The following LRRC28 variants were observed in gnomAD, a reference collection of about 807,000 sequenced individuals.
The protein encoded by LRRC28 is leucine rich repeat containing 28.
Under a neutral mutation model 45.7 loss-of-function variants are expected in LRRC28, and 39 were observed. The ratio of observed to expected loss-of-function variants is 0.85; its 90% CI spans 0.66 to 1.12. The LOEUF is 1.12. Among genes scored for constraint, LRRC28 ranks in the 50% most tolerant of loss-of-function variants. LRRC28 has a pLI of 0.00. For missense variants in LRRC28, 435 were observed against 438.5 expected, an observed-to-expected ratio of 0.99 and a Z score of 0.07; for synonymous variants, 206 against 178.8, an observed-to-expected ratio of 1.15 and a Z score of -1.22.
At chr15:99,265,114 G>A (rs1361634392) in intron 2 of LRRC28, among the ~76,000 whole-genome samples, 1 of 152,082 alleles carries the variant, frequency 6.6e-6, no homozygotes, top group East Asian at 1.9e-4. Context: ...TAGAATTGTT[G>A]GGTGTTATTT....
At chr15:99,304,066 A>C (rs79026499) in intron 5 of LRRC28, among the ~76,000 whole-genome samples, 2,272 of 152,314 alleles carry the variant, frequency 0.015, 53 homozygotes, top group African/African-American at 0.052. Flanking sequence ...GAAAACTCTG[A>C]CCTGTGGGCC....
intron 6 of LRRC28, among the ~76,000 whole-genome samples, chr15:99,349,154 G>T (rs1366455412): frequency 6.6e-6 from 1 of 151,886 alleles, no homozygotes; most frequent in Non-Finnish European, 1.5e-5. Context: ...TCATTTGTAT[G>T]TTCTACTAGT....
chr15:99,257,946 C>G (rs1193930818), intron 2 of LRRC28: 3 of 778,302 alleles, frequency 3.9e-6, no homozygotes, highest in Middle Eastern at 2.5e-4. Flanking sequence ...AGAACTGATT[C>G]TGACGCTTTA....
intron 5 of LRRC28, among the ~76,000 whole-genome samples, chr15:99,324,358 C>G (rs1597347310): frequency 6.6e-6 from 1 of 152,132 alleles, no homozygotes; most frequent in Non-Finnish European, 1.5e-5. Context: ...CCTCAGAAAG[C>G]TAAACCGCGG....
chr15:99,310,650 T>A (rs2152264015), intron 5 of LRRC28, among the ~76,000 whole-genome samples: 1 of 152,296 alleles, frequency 6.6e-6, no homozygotes, highest in Middle Eastern at 3.4e-3. Flanking sequence ...TCGAGGGTGT[T>A]GAAAATTCTG....
At position 99,265,641 on chromosome 15, in the gene LRRC28, A is replaced by G. The variant is rs564131877; in HGVS notation, c.168+9516A>G. Among the ~76,000 whole-genome samples, 36 of 152,260 alleles carry G rather than the reference A, an allele frequency of 2.4e-4. 1 individual carries two copies. In the South Asian group the frequency reaches 5.8e-3, roughly 25 times the overall value. Reference sequence around the variant, plus strand: ...AATCACTAGTCCTTTCTAAAACTCTAAAGTTCCTCAAGGGAGGAAATTAGT... The same window carrying G: ...AATCACTAGTCCTTTCTAAAACTCTGAAGTTCCTCAAGGGAGGAAATTAGT... On this transcript the variant is annotated intron_variant, in intron 2 of 9. Coordinates refer to ENST00000301981, the MANE Select transcript of LRRC28 (RefSeq NM_144598.5).
intron 5 of LRRC28, among the ~76,000 whole-genome samples, chr15:99,298,166 A>T (rs1246715371): frequency 6.6e-6 from 1 of 152,228 alleles, no homozygotes; most frequent in Non-Finnish European, 1.5e-5. Flanking sequence ...TTGTGAAAAG[A>T]TTTAAAAGCA....
At chr15:99,380,949 C>T (rs1401758759) in intron 9 of LRRC28, among the ~76,000 whole-genome samples, 2 of 152,228 alleles carry the variant, frequency 1.3e-5, no homozygotes, top group Non-Finnish European at 2.9e-5. Context: ...ACCTTTCTAT[C>T]TGGCTGCCCT....
At chr15:99,335,410 G>A (rs1020871332) in intron 6 of LRRC28, among the ~76,000 whole-genome samples, 1 of 152,184 alleles carries the variant, frequency 6.6e-6, no homozygotes, top group Non-Finnish European at 1.5e-5. Flanking sequence ...GATAGTTTAT[G>A]TATAAGAATT....
intron 9 of LRRC28, among the ~76,000 whole-genome samples, chr15:99,376,242 TG>T (rs1957627965): frequency 6.6e-6 from 1 of 152,180 alleles, no homozygotes. Context: ...ATTTGATCCA[TG>T]GGTCAAAGAA....
chr15:99,377,173 G>T lies in LRRC28; in HGVS notation c.1032-8857G>T, dbSNP rs1351788419. Among the ~76,000 whole-genome samples, 2 of 150,698 alleles carry T rather than the reference G, an allele frequency of 1.3e-5. 1 individual carries two copies. The highest frequency in any genetic ancestry group is 5.0e-5 in the African/African-American group (2 of 40,052). On this transcript the variant is annotated intron_variant, in intron 9 of 9. Coordinates refer to ENST00000301981, the MANE Select transcript of LRRC28 (RefSeq NM_144598.5). ...TACAGTCCCACCAACAGTGTAAAAA[G>T]TATTCCTATTTCTCCACATCCTCTC...
At chr15:99,278,898 A>G (rs1344458220) in intron 3 of LRRC28, among the ~76,000 whole-genome samples, 1 of 152,180 alleles carries the variant, frequency 6.6e-6, no homozygotes, top group Admixed American at 6.5e-5. Context: ...GTCAGGTTCA[A>G]TTCCTTGTAG....
At chr15:99,369,750 A>G (rs998752423) in intron 9 of LRRC28, among the ~76,000 whole-genome samples, 5 of 152,226 alleles carry the variant, frequency 3.3e-5, no homozygotes, top group Non-Finnish European at 1.5e-5. Flanking sequence ...AACCTAACCA[A>G]GTTGACACAT....
At chr15:99,285,465 TC>T in intron 3 of LRRC28, 2 of 854,264 alleles carry the variant, frequency 2.3e-6, no homozygotes. Flanking sequence ...CCGTGAGCGT[TC>T]CCCATTGCTC....
intron 5 of LRRC28, among the ~76,000 whole-genome samples, chr15:99,317,789 T>G (rs577253387): frequency 6.6e-6 from 1 of 152,322 alleles, no homozygotes; most frequent in African/African-American, 2.4e-5. Flanking sequence ...AAAATATGAC[T>G]TATAAAACAC....
At chr15:99,254,407 A>G (rs2080955826) in intron 1 of LRRC28, among the ~76,000 whole-genome samples, 1 of 152,236 alleles carries the variant, frequency 6.6e-6, no homozygotes, top group African/African-American at 2.4e-5. Context: ...ATGTTTATTG[A>G]AAGCTTATGT....
At chr15:99,343,199 G>A (rs1476910896) in intron 6 of LRRC28, among the ~76,000 whole-genome samples, 1 of 152,168 alleles carries the variant, frequency 6.6e-6, no homozygotes, top group Non-Finnish European at 1.5e-5. Context: ...TTGCTTTGAT[G>A]TTGTTGTTTC....
chr15:99,285,372 C>T lies in LRRC28; in HGVS notation c.210-1885C>T, dbSNP rs947153330. On this transcript the variant is annotated intron_variant, in intron 3 of 9. Coordinates refer to ENST00000301981, the MANE Select transcript of LRRC28 (RefSeq NM_144598.5). The stretch of plus-strand genomic sequence containing the variant: ...TTGTGTGGCTTTGCATTCATGGCTG[C>T]ATCCACCTCCTCCGCAGTGGTATAG... 1.1e-4 allele frequency: 82 copies of T among 742,764 alleles called. No homozygotes were observed. The Middle Eastern group carries it at 1.5e-3, about 14-fold the overall frequency. 46.0% of individuals were successfully genotyped at this position (742,764 alleles called of 1,614,324 possible). A position where few individuals can be genotyped will look rare whatever the true frequency, so the allele number is the denominator to read the frequency against.
intron 6 of LRRC28, among the ~76,000 whole-genome samples, chr15:99,337,124 C>T (rs1956351345): frequency 6.6e-6 from 1 of 152,246 alleles, no homozygotes; most frequent in Non-Finnish European, 1.5e-5. Flanking sequence ...TTCTCCCTCC[C>T]TCACTATAGC....
Sources: allele counts gnomAD v4.1 joint callset (sites outside exome capture counted in the v4.1 genomes callset), GRCh38; gene constraint gnomAD v4.1.1; transcripts MANE v1.5; gene names NCBI Gene and HGNC (gene_info 2026-07-23, HGNC 2026-07-21).